RBM44: variants seen among roughly 807,000 people sequenced by gnomAD.
RBM44 encodes RNA binding motif protein 44.
RBM44 carries 66 observed loss-of-function variants against 105.1 expected under a neutral mutation model. That is an observed-to-expected ratio of 0.63 (90% confidence interval 0.52 to 0.77). The LOEUF (loss-of-function observed/expected upper bound fraction) is 0.77. RBM44 is among the 30% of genes least tolerant of loss of function. The pLI is 0.00. For missense variants in RBM44, 1,122 were observed against 1,207.8 expected, an observed-to-expected ratio of 0.93 and a Z score of 1.05; for synonymous variants, 365 against 417.6, an observed-to-expected ratio of 0.87 and a Z score of 1.54.
intron 15 of RBM44, among the ~76,000 whole-genome samples, chr2:237,837,775 C>T (rs2061974392): frequency 6.7e-6 from 1 of 150,000 alleles, no homozygotes; most frequent in East Asian, 1.9e-4. Context: ...TCCCAAAGTG[C>T]TGGAATTACA....
intron 1 of RBM44, among the ~76,000 whole-genome samples, chr2:237,810,266 C>T (rs1194652704): frequency 6.6e-6 from 1 of 152,222 alleles, no homozygotes; most frequent in African/African-American, 2.4e-5. Context: ...TGCTGATCTC[C>T]AGACCTCTAT....
chr2:237,817,304 TTAAGTTC>T lies in RBM44; in HGVS notation c.386_392del (p.Leu129Ter). 1 of 1,606,656 alleles carries T rather than the reference TTAAGTTC, an allele frequency of 6.2e-7. No homozygotes were observed. Among genetic ancestry groups the T allele is most frequent in the African/African-American group, 1.3e-5 (1 of 74,678 alleles). ...ACTAAAGAAGGAAAGTCTTACTCCT[TTAAGTTC>T]AGAATTAGATCCTGAAGTGCAGAAA... On this transcript the variant is annotated frameshift_variant, in exon 3 of 16. Transcript: ENST00000316997. LOFTEE classifies it high-confidence loss of function.
In RBM44 at chr2:237,818,538, G is replaced by T; in HGVS notation, c.1619G>T (p.Gly540Val). The T allele has an allele frequency of 6.3e-7, 1 of 1,597,870 alleles. No individual in the cohort carries two copies. The highest frequency in any genetic ancestry group is 1.1e-5 in the South Asian group (1 of 88,694). The change falls in exon 3 of 16, where the codon GGA becomes GTA. Residue 540 changes from glycine (G) to valine (V), a missense_variant. Physicochemically the swap from Gly to Val is moderately radical, Grantham distance 109. Coordinates refer to ENST00000316997, the MANE Select transcript of RBM44 (RefSeq NM_001080504.3). This position sits in a 1 kb window ranked among gnomAD's most constrained non-coding sequence, Gnocchi z 4.6. ...GATACACAGATGGCTATAACAAAAG[G>T]ATCAGGAAAATCTCTCTCCGTTGAC... ...CIDTQMAITK[G>V]SGKSLSVDSL...
chr2:237,824,331 T>G lies in RBM44; in HGVS notation c.2361T>G (p.Asp787Glu). 1 of 1,613,194 alleles carries G rather than the reference T, an allele frequency of 6.2e-7. No individual in the cohort carries two copies. The highest frequency in any genetic ancestry group is 8.5e-7 in the Non-Finnish European group (1 of 1,179,396). Residue 787 changes from aspartate (D) to glutamate (E), a missense_variant, in exon 10 of 16, where the codon GAT becomes GAG. Physicochemically the swap from Asp to Glu is conservative, Grantham distance 45. Transcript: ENST00000316997. ...HYQETSEDWS[D>E]AKESLTGVDV... ...AAGAGACAAGCGAAGACTGGTCTGA[T>G]GCTAAAGAGAGCCTGACAGGAGTTG...
intron 10 of RBM44, among the ~76,000 whole-genome samples, chr2:237,825,380 A>G (rs2061837735): frequency 6.6e-6 from 1 of 151,922 alleles, no homozygotes. Context: ...TAATTTTTGT[A>G]TCTTTAGTAG....
chr2:237,828,349 G>A (rs1204772395), intron 12 of RBM44, among the ~76,000 whole-genome samples: 1 of 152,072 alleles, frequency 6.6e-6, no homozygotes, highest in Admixed American at 6.6e-5. Context: ...TCATATAATT[G>A]TAAGATAATT....
chr2:237,804,441 A>G (rs1238748615), intron 1 of RBM44, among the ~76,000 whole-genome samples: 1 of 152,206 alleles, frequency 6.6e-6, no homozygotes, highest in East Asian at 1.9e-4. Context: ...CAGCCTTGCC[A>G]GCATCTGTTG....
intron 12 of RBM44, 127 bp from the exon 13 acceptor site, chr2:237,829,090 G>A: frequency 1.5e-6 from 1 of 654,956 alleles, no homozygotes; most frequent in Non-Finnish European, 2.6e-6. Flanking sequence ...GGTAAGTACA[G>A]CAACCTTTTT....
intron 1 of RBM44, among the ~76,000 whole-genome samples, chr2:237,810,010 C>A (rs180676336): frequency 5.9e-4 from 90 of 152,234 alleles, no homozygotes; most frequent in African/African-American, 2.0e-3. Flanking sequence ...AATATTCCAG[C>A]CCCTTTATTA....
At position 237,834,124 on chromosome 2, in the gene RBM44, T is replaced by C; in HGVS notation, c.3014T>C (p.Leu1005Pro). ...FTKIIKRLAE[L>P]HPEVSRDHII... is the part of the protein sequence containing the mutation. ...AAGATCATAAAGAGACTGGCTGAAC[T>C]GCATCCAGAAGTCAGCAGGTAATAA... Residue 1005 changes from leucine (L) to proline (P), a missense_variant, in exon 14 of 16, where the codon CTG becomes CCG. Transcript: ENST00000316997. 6.3e-7 allele frequency: 1 copy of C among 1,575,272 alleles called. No homozygotes were observed. The highest frequency in any genetic ancestry group is 8.6e-7 in the Non-Finnish European group (1 of 1,160,168).
intron 10 of RBM44, among the ~76,000 whole-genome samples, chr2:237,826,932 C>T (rs1032068186): frequency 1.3e-5 from 2 of 152,066 alleles, no homozygotes; most frequent in South Asian, 4.2e-4. Context: ...TAGAACCAGT[C>T]CCCCAGGGAT....
At chr2:237,838,147 C>T (rs936171832) in intron 15 of RBM44, among the ~76,000 whole-genome samples, 1 of 152,054 alleles carries the variant, frequency 6.6e-6, no homozygotes, top group Non-Finnish European at 1.5e-5. Flanking sequence ...AGAAAAACTG[C>T]TTGAAAAATT....
At chr2:237,816,893 C>A in intron 2 of RBM44, 100 bp from the exon 3 acceptor site, 1 of 683,702 alleles carries the variant, frequency 1.5e-6, no homozygotes, top group Non-Finnish European at 2.3e-6. Flanking sequence ...AAATTGTAAT[C>A]CCGCATTGGG....
chr2:237,807,636 C>T (rs1435149754), intron 1 of RBM44, among the ~76,000 whole-genome samples: 1 of 144,480 alleles, frequency 6.9e-6, no homozygotes, highest in Admixed American at 6.9e-5. Flanking sequence ...GTGCTTTTGA[C>T]AGCCTTAGGG....
chr2:237,800,150 C>T (rs62196081), intron 1 of RBM44, among the ~76,000 whole-genome samples: 48,031 of 151,884 alleles, frequency 0.32, 8,231 homozygotes, highest in East Asian at 0.54. Flanking sequence ...ACTGTTGTTA[C>T]TGTTATTGTT....
At chr2:237,806,265 G>A (rs1272345841) in intron 1 of RBM44, among the ~76,000 whole-genome samples, 3 of 152,004 alleles carry the variant, frequency 2.0e-5, no homozygotes, top group Non-Finnish European at 2.9e-5. Context: ...TCTTAGATAC[G>A]TCTAAGAAAG....
At chr2:237,814,896 A>C (rs200356224) in intron 2 of RBM44, among the ~76,000 whole-genome samples, 3 of 148,980 alleles carry the variant, frequency 2.0e-5, no homozygotes, top group Non-Finnish European at 4.5e-5. Context: ...GTTAACCCCC[A>C]CCCCCCCCTA....
rs1472683269 is a variant in RBM44, at chr2:237,834,049, C to T, written c.2939C>T (p.Thr980Ile). The change falls in exon 14 of 16, where the codon ACA becomes ATA. Residue 980 changes from threonine (T) to isoleucine (I), a missense_variant. Transcript: ENST00000316997. Reference protein sequence around the residue: ...QIESAKLLPDTPVQFIPPNTL... With the variant: ...QIESAKLLPDIPVQFIPPNTL... ...GAATCTGCTAAATTATTACCTGATA[C>T]ACCCGTTCAATTCATACCTCCAAAT... 7.6e-6 allele frequency: 12 copies of T among 1,573,778 alleles called. No individual in the cohort carries two copies. The highest frequency in any genetic ancestry group is 3.4e-4 in the Middle Eastern group (2 of 5,946).
chr2:237,806,692 A>G (rs1405081318), intron 1 of RBM44, among the ~76,000 whole-genome samples: 1 of 152,244 alleles, frequency 6.6e-6, no homozygotes, highest in Non-Finnish European at 1.5e-5. Context: ...TATATAAAAG[A>G]AAAGCTCCAG....
Sources: allele counts gnomAD v4.1 joint callset (sites outside exome capture counted in the v4.1 genomes callset), GRCh38; gene constraint gnomAD v4.1.1; non-coding constraint Gnocchi (gnomAD v3.1); transcripts MANE v1.5; gene names NCBI Gene and HGNC (gene_info 2026-07-23, HGNC 2026-07-21).